The following ANKS1B variants were observed in gnomAD, a reference collection of about 807,000 sequenced individuals.
The protein encoded by ANKS1B is ankyrin repeat and sterile alpha motif domain-containing protein 1B.
ANKS1B carries 36 observed loss-of-function variants against 148.3 expected under a neutral mutation model. The ratio of observed to expected loss-of-function variants is 0.24; its 90% CI spans 0.19 to 0.32. The LOEUF (loss-of-function observed/expected upper bound fraction) is 0.32. ANKS1B is among the 10% of genes least tolerant of loss of function. ANKS1B has a pLI of 1.00. For missense variants in ANKS1B, 1,157 were observed against 1,542.6 expected (o/e 0.75, Z 4.19); for synonymous variants, 542 against 560.8 (o/e 0.97, Z 0.47).
chr12:99,513,764 C>A (rs575194559), intron 9 of ANKS1B, among the ~76,000 whole-genome samples: 1 of 152,010 alleles, frequency 6.6e-6, no homozygotes, highest in African/African-American at 2.4e-5. Flanking sequence ...TCCAGACCAC[C>A]ATTATATTTC....
chr12:98,940,638 T>C (rs1282050603), intron 17 of ANKS1B, among the ~76,000 whole-genome samples: 1 of 152,152 alleles, frequency 6.6e-6, no homozygotes. Context: ...AGAGCAGAGA[T>C]TGGTGTCTGT....
chr12:98,878,819 G>A (rs1385683178), intron 17 of ANKS1B, among the ~76,000 whole-genome samples: 1 of 152,220 alleles, frequency 6.6e-6, no homozygotes, highest in Non-Finnish European at 1.5e-5. Context: ...CCCTTTGAGA[G>A]ATAATGGTTC....
At chr12:99,569,853 T>C (rs2097433591) in intron 9 of ANKS1B, among the ~76,000 whole-genome samples, 1 of 152,186 alleles carries the variant, frequency 6.6e-6, no homozygotes, top group South Asian at 2.1e-4. Context: ...GCTTCCTTCC[T>C]ATGACTTCCC....
intron 9 of ANKS1B, among the ~76,000 whole-genome samples, chr12:99,593,953 T>C (rs1263353552): frequency 6.6e-6 from 1 of 151,908 alleles, no homozygotes; most frequent in Non-Finnish European, 1.5e-5. Flanking sequence ...GTGCAGTGGG[T>C]GTTTTTTTTT....
chr12:99,573,424 A>G (rs559740050), intron 9 of ANKS1B, among the ~76,000 whole-genome samples: 37 of 152,226 alleles, frequency 2.4e-4, no homozygotes, highest in African/African-American at 7.7e-4. Flanking sequence ...TCAGCATTAT[A>G]TTAGCTTCAA....
chr12:99,729,361 G>C (rs2058917257), intron 8 of ANKS1B, among the ~76,000 whole-genome samples: 1 of 152,078 alleles, frequency 6.6e-6, no homozygotes, highest in Non-Finnish European at 1.5e-5. Context: ...TAATGAAGTA[G>C]TTTGTAAGTA....
chr12:99,478,920 A>C (rs1008213035), intron 10 of ANKS1B, among the ~76,000 whole-genome samples: 2 of 152,116 alleles, frequency 1.3e-5, no homozygotes, highest in Admixed American at 6.6e-5. Context: ...TCTAATACCC[A>C]TATTAAAACT....
intron 9 of ANKS1B, among the ~76,000 whole-genome samples, chr12:99,604,508 A>C (rs879643652): frequency 6.6e-6 from 1 of 152,092 alleles, no homozygotes; most frequent in Admixed American, 6.6e-5. Flanking sequence ...TTATTAATCA[A>C]AATGACAATA....
intron 17 of ANKS1B, among the ~76,000 whole-genome samples, chr12:98,942,552 CT>C (rs2099838688): frequency 6.6e-6 from 1 of 152,192 alleles, no homozygotes; most frequent in African/African-American, 2.4e-5. Context: ...GCAGAATGTC[CT>C]TCTCTGTTCT....
At chr12:99,724,073 C>T (rs976396740) in intron 8 of ANKS1B, among the ~76,000 whole-genome samples, 1 of 151,834 alleles carries the variant, frequency 6.6e-6, no homozygotes, top group Non-Finnish European at 1.5e-5. Flanking sequence ...ACACTGAAAG[C>T]CCAAAAGGCC....
intron 17 of ANKS1B, among the ~76,000 whole-genome samples, chr12:98,938,542 G>A (rs997956286): frequency 5.3e-5 from 8 of 152,302 alleles, no homozygotes; most frequent in Middle Eastern, 3.4e-3. Context: ...GGAAAAGAAA[G>A]GTGCTTGGGA....
chr12:99,285,782 T>C (rs2079051465), intron 12 of ANKS1B, among the ~76,000 whole-genome samples: 1 of 152,026 alleles, frequency 6.6e-6, no homozygotes, highest in African/African-American at 2.4e-5. Context: ...TTGTGGGACT[T>C]TGCACTGAAA....
intron 25 of ANKS1B, among the ~76,000 whole-genome samples, chr12:98,769,534 G>A (rs2098540638): frequency 6.6e-6 from 1 of 152,064 alleles, no homozygotes; most frequent in African/African-American, 2.4e-5. Flanking sequence ...TAAATGTTAA[G>A]GCAATTCTCT....
At chr12:99,069,207 C>T (rs1396682218) in intron 16 of ANKS1B, among the ~76,000 whole-genome samples, 1 of 152,162 alleles carries the variant, frequency 6.6e-6, no homozygotes, top group Non-Finnish European at 1.5e-5. Context: ...TTCCTTTCAT[C>T]TACCTCTGAG....
chr12:98,843,084 A>G (rs2099416863), intron 17 of ANKS1B, among the ~76,000 whole-genome samples: 1 of 152,222 alleles, frequency 6.6e-6, no homozygotes, highest in Non-Finnish European at 1.5e-5. Flanking sequence ...GAACCAGAGA[A>G]TAAGGTTGCA....
At chr12:99,267,232 C>G (rs769000984) in intron 12 of ANKS1B, among the ~76,000 whole-genome samples, 8 of 152,150 alleles carry the variant, frequency 5.3e-5, no homozygotes, top group Non-Finnish European at 8.8e-5. Flanking sequence ...TTCAATTGCT[C>G]AAGCAATGAA....
At chr12:99,690,256 G>A (rs935183775) in intron 8 of ANKS1B, among the ~76,000 whole-genome samples, 5 of 152,102 alleles carry the variant, frequency 3.3e-5, no homozygotes, top group African/African-American at 1.2e-4. Context: ...AATTCAAGGT[G>A]AGATCTGGAT....
At chr12:99,603,441 C>G (rs2097823174) in intron 9 of ANKS1B, among the ~76,000 whole-genome samples, 1 of 152,016 alleles carries the variant, frequency 6.6e-6, no homozygotes. Context: ...TTCAAGAAAC[C>G]ATGCCAGTTA....
At chr12:99,101,378 T>C (rs2057893559) in intron 15 of ANKS1B, among the ~76,000 whole-genome samples, 1 of 152,166 alleles carries the variant, frequency 6.6e-6, no homozygotes, top group Admixed American at 6.5e-5. Context: ...GCAGCAGGAA[T>C]GGTGATGTAT....
Sources: allele counts gnomAD v4.1 joint callset (sites outside exome capture counted in the v4.1 genomes callset), GRCh38; gene constraint gnomAD v4.1.1; transcripts MANE v1.5; gene names NCBI Gene and HGNC (gene_info 2026-07-23, HGNC 2026-07-21).